Variants in CRPPA observed in about 807,000 individuals in gnomAD.
CRPPA encodes CDP-L-ribitol pyrophosphorylase A.
Under a neutral mutation model 52.0 loss-of-function variants are expected in CRPPA, and 43 were observed. That is an observed-to-expected ratio of 0.83 (90% confidence interval 0.65 to 1.07). The LOEUF (loss-of-function observed/expected upper bound fraction) is 1.07, where lower values mean the gene tolerates loss of function less well. CRPPA is among the 50% of genes least tolerant of loss of function. The probability of loss-of-function intolerance (pLI) is 0.00; values close to 1 mark genes in which losing one functional copy is unlikely to be tolerated. For missense variants in CRPPA, 629 were observed against 551.7 expected, an observed-to-expected ratio of 1.14 and a Z score of -1.40; for synonymous variants, 250 against 203.5, an observed-to-expected ratio of 1.23 and a Z score of -1.94.
At chr7:16,231,222 T>A (rs1467575923) in intron 8 of CRPPA, among the ~76,000 whole-genome samples, 1 of 152,204 alleles carries the variant, frequency 6.6e-6, no homozygotes, top group African/African-American at 2.4e-5. Flanking sequence ...TCCTTCCTAC[T>A]GTCTTCAATG....
intron 3 of CRPPA, among the ~76,000 whole-genome samples, chr7:16,337,120 A>T (rs1350941475): frequency 6.6e-6 from 1 of 152,154 alleles, no homozygotes; most frequent in Non-Finnish European, 1.5e-5. Flanking sequence ...ACTTTAGATC[A>T]AATGGACATA....
At chr7:16,153,067 T>C (rs971334445) in intron 9 of CRPPA, among the ~76,000 whole-genome samples, 3 of 152,086 alleles carry the variant, frequency 2.0e-5, no homozygotes, top group South Asian at 2.1e-4. Flanking sequence ...TTCCAACTTT[T>C]AGGGCAAAGA....
intron 9 of CRPPA, among the ~76,000 whole-genome samples, chr7:16,170,137 A>AT (rs906928201): frequency 2.6e-5 from 4 of 152,092 alleles, no homozygotes; most frequent in African/African-American, 7.2e-5. Flanking sequence ...GTAGGATGTG[A>AT]TTTTTTTTAA....
chr7:16,365,108 G>C (rs1162347998), intron 3 of CRPPA, among the ~76,000 whole-genome samples: 1 of 152,108 alleles, frequency 6.6e-6, no homozygotes, highest in East Asian at 1.9e-4. Context: ...CTTTAACTGA[G>C]GACAGCAGCC....
intron 2 of CRPPA, among the ~76,000 whole-genome samples, chr7:16,388,661 G>A (rs1326959816): frequency 1.3e-5 from 2 of 152,188 alleles, no homozygotes; most frequent in Non-Finnish European, 2.9e-5. Context: ...GATCACTTGA[G>A]GTCAGGAGTT....
At position 16,406,134 on chromosome 7, in the gene CRPPA, A is replaced by G; in HGVS notation, c.461T>C (p.Ile154Thr). 1 of 1,614,008 alleles carries G rather than the reference A, an allele frequency of 6.2e-7. No homozygotes were observed. Among genetic ancestry groups the G allele is most frequent in the Non-Finnish European group, 8.5e-7 (1 of 1,179,886 alleles). Residue 154 changes from isoleucine (I) to threonine (T), a missense_variant, in exon 2 of 10, where the codon ATC becomes ACC. By Grantham distance (89) the Ile-to-Thr change is moderately conservative (BLOSUM62 -1). Coordinates refer to ENST00000407010, the MANE Select transcript of CRPPA (RefSeq NM_001101426.4). ...SKLSKPEVVI[I>T]HDAVRPFVEE... ...AACAAATGGTCTCACAGCATCATGGATAATCACTACTTCTGGCTTAGAGAG... is the reference window on the plus strand; with the variant it reads ...AACAAATGGTCTCACAGCATCATGGGTAATCACTACTTCTGGCTTAGAGAG...
chr7:16,342,820 C>G (rs71530636), intron 3 of CRPPA, among the ~76,000 whole-genome samples: 17 of 86,680 alleles, frequency 2.0e-4, no homozygotes, highest in East Asian at 7.6e-4. Flanking sequence ...TATAGATATA[C>G]ATATATAGAT....
chr7:16,398,038 C>T (rs1787659972), intron 2 of CRPPA, among the ~76,000 whole-genome samples: 1 of 152,244 alleles, frequency 6.6e-6, no homozygotes, highest in Non-Finnish European at 1.5e-5. Context: ...ACGTAATCAA[C>T]ATGTGTCACA....
In CRPPA at chr7:16,421,155, G is replaced by A. The variant is rs1788326657; in HGVS notation, c.168C>T (p.Cys56=). 6 of 1,334,448 alleles carry A rather than the reference G, an allele frequency of 4.5e-6. No homozygotes were observed. Among genetic ancestry groups the A allele is most frequent in the East Asian group, 6.2e-5 (2 of 32,244 alleles). 82.7% of individuals were successfully genotyped at this position (1,334,448 alleles called of 1,614,324 possible). ...GGGTGGGGACCCCCATCCTCTCCCC[G>A]CACCCCCCGGCAGGCAACACAGCTG... ...AVAAVLPAGG[C]GERMGVPTPK... Residue 56 remains cysteine, a synonymous_variant, in exon 1 of 10, where the codon TGC becomes TGT. Transcript: ENST00000407010.
At chr7:16,129,449 T>C (rs1782641881) in intron 9 of CRPPA, among the ~76,000 whole-genome samples, 1 of 152,120 alleles carries the variant, frequency 6.6e-6, no homozygotes, top group Admixed American at 6.6e-5. Flanking sequence ...ATCTCCTGCG[T>C]TGGTCAAATC....
chr7:16,218,532 G>C (rs1352683869), intron 8 of CRPPA, among the ~76,000 whole-genome samples: 8 of 59,436 alleles, frequency 1.3e-4, no homozygotes, highest in Admixed American at 4.8e-4. Context: ...TCAGTGTGCT[G>C]TATTCAGGAA....
chr7:16,399,246 C>T (rs549761206), intron 2 of CRPPA, among the ~76,000 whole-genome samples: 4 of 152,266 alleles, frequency 2.6e-5, no homozygotes, highest in South Asian at 2.1e-4. Flanking sequence ...AGGATTGAAT[C>T]GCACAGGTCC....
intron 8 of CRPPA, among the ~76,000 whole-genome samples, chr7:16,248,249 G>A (rs1208718130): frequency 6.6e-6 from 1 of 152,108 alleles, no homozygotes; most frequent in African/African-American, 2.4e-5. Context: ...TGAGCTGGAG[G>A]GATCACTTGA....
chr7:16,389,920 A>ATAT (rs1325768493), intron 2 of CRPPA, among the ~76,000 whole-genome samples: 18 of 65,028 alleles, frequency 2.8e-4, no homozygotes, highest in Middle Eastern at 6.7e-3. Context: ...ATACAAAAAA[A>ATAT]AAAAAAAAAT....
chr7:16,359,675 T>A (rs971746220), intron 3 of CRPPA, among the ~76,000 whole-genome samples: 5 of 152,196 alleles, frequency 3.3e-5, no homozygotes, highest in African/African-American at 1.2e-4. Flanking sequence ...CTTGCCAAAG[T>A]CTGTAACAAA....
intron 2 of CRPPA, among the ~76,000 whole-genome samples, chr7:16,392,756 G>A (rs980923571): frequency 2.0e-5 from 3 of 151,888 alleles, no homozygotes; most frequent in Non-Finnish European, 4.4e-5. Context: ...TCATTTTTAT[G>A]ACTTTTAAAG....
chr7:16,250,822 G>A (rs569903069), intron 8 of CRPPA, among the ~76,000 whole-genome samples: 6 of 152,168 alleles, frequency 3.9e-5, no homozygotes, highest in South Asian at 2.1e-4. Context: ...ATCAACTAAC[G>A]GGCAAAATAA....
intron 9 of CRPPA, among the ~76,000 whole-genome samples, chr7:16,165,153 T>C (rs1310432554): frequency 6.6e-6 from 1 of 152,106 alleles, no homozygotes; most frequent in Non-Finnish European, 1.5e-5. Flanking sequence ...GTCTATTTTC[T>C]TACACATTCT....
At chr7:16,241,969 GT>G (rs1554296965) in intron 8 of CRPPA, among the ~76,000 whole-genome samples, 2 of 85,150 alleles carry the variant, frequency 2.3e-5, no homozygotes, top group African/African-American at 5.3e-5. Context: ...TTTTTTTTTT[GT>G]TGGGGGGAGA....
Sources: allele counts gnomAD v4.1 joint callset (sites outside exome capture counted in the v4.1 genomes callset), GRCh38; gene constraint gnomAD v4.1.1; transcripts MANE v1.5; gene names NCBI Gene and HGNC (gene_info 2026-07-23, HGNC 2026-07-21).